The following ERG variants were observed in gnomAD, a reference collection of about 807,000 sequenced individuals.
ERG encodes the protein ETS transcription factor ERG.
A neutral mutation model predicts 55.3 loss-of-function variants in ERG; 9 were observed. The ratio of observed to expected loss-of-function variants is 0.16; its 90% CI spans 0.10 to 0.28. The LOEUF (loss-of-function observed/expected upper bound fraction) is 0.28, where lower values mean the gene tolerates loss of function less well. Ranked by LOEUF, ERG falls within the 10% of genes least tolerant of loss-of-function variation. ERG has a pLI of 1.00. For missense variants in ERG, 434 were observed against 631.6 expected (o/e 0.69, Z 3.35); for synonymous variants, 223 against 237.3 (o/e 0.94, Z 0.55).
At chr21:38,554,009 A>AC (rs1031575227) in intron 2 of ERG, among the ~76,000 whole-genome samples, 1 of 152,070 alleles carries the variant, frequency 6.6e-6, no homozygotes, top group Non-Finnish European at 1.5e-5. Flanking sequence ...TTCTTTAAAA[A>AC]AAATGGGCCA....
At chr21:38,540,483 C>T (rs2059744468) in intron 2 of ERG, among the ~76,000 whole-genome samples, 1 of 152,136 alleles carries the variant, frequency 6.6e-6, no homozygotes, top group Non-Finnish European at 1.5e-5. Flanking sequence ...AAACTGCAAA[C>T]CCCTGGCAAG....
intron 6 of ERG, among the ~76,000 whole-genome samples, chr21:38,396,823 G>A (rs1988243603): frequency 6.6e-6 from 1 of 152,134 alleles, no homozygotes; most frequent in South Asian, 2.1e-4. Context: ...CAAAAAAGAA[G>A]GGTGTTTGTA....
intron 1 of ERG, among the ~76,000 whole-genome samples, chr21:38,622,847 A>T (rs1368166129): frequency 6.7e-6 from 1 of 150,128 alleles, no homozygotes; most frequent in Non-Finnish European, 1.5e-5. Flanking sequence ...GTGCTCATAC[A>T]TTCCACACAC....
At chr21:38,437,532 A>C (rs1190608171) in intron 2 of ERG, among the ~76,000 whole-genome samples, 1 of 152,296 alleles carries the variant, frequency 6.6e-6, no homozygotes, top group South Asian at 2.1e-4. Flanking sequence ...CAAGGAGGCA[A>C]GAGCCTCTTG....
downstream of ERG, among the ~76,000 whole-genome samples, chr21:38,378,560 G>C (rs1183649421): frequency 6.6e-6 from 1 of 152,194 alleles, no homozygotes; most frequent in Non-Finnish European, 1.5e-5. Flanking sequence ...TGGGTGATAA[G>C]GGTAATCCCA....
At chr21:38,627,780 C>A (rs1052277901) in intron 1 of ERG, among the ~76,000 whole-genome samples, 7 of 152,136 alleles carry the variant, frequency 4.6e-5, no homozygotes, top group Admixed American at 6.5e-5. Flanking sequence ...TGTCTGACAT[C>A]CTCAGTATTT....
At chr21:38,392,533 G>C in intron 6 of ERG, 89 bp from the exon 7 acceptor site, 2 of 969,944 alleles carry the variant, frequency 2.1e-6, no homozygotes, top group Non-Finnish European at 1.4e-6. Context: ...GTATTTATTA[G>C]AATAAACTTT....
At chr21:38,400,007 T>A (rs986189452) in intron 6 of ERG, 3 of 209,176 alleles carry the variant, frequency 1.4e-5, no homozygotes, top group African/African-American at 6.9e-5. Context: ...TGAAGCCTGG[T>A]TCATCTATAT....
chr21:38,498,411 A>G lies in ERG; in HGVS notation c.-31T>C. ...GATCAAGTTTATTGATCGTTAATAA[A>G]TGTTAATAATAATTATTGCTTCTCT... On this transcript the variant is annotated 5_prime_UTR_variant, in exon 1 of 10. Coordinates refer to ENST00000288319, the MANE Select transcript of ERG (RefSeq NM_182918.4). This position sits in a 1 kb window ranked among gnomAD's most constrained non-coding sequence, Gnocchi z 4.6. 1 of 1,598,566 alleles carries G rather than the reference A, an allele frequency of 6.3e-7. No homozygotes were observed. Among genetic ancestry groups the G allele is most frequent in the Non-Finnish European group, 8.5e-7 (1 of 1,170,522 alleles).
chr21:38,516,278 A>G (rs140337666), intron 2 of ERG, among the ~76,000 whole-genome samples: 340 of 152,182 alleles, frequency 2.2e-3, no homozygotes, highest in African/African-American at 7.8e-3. Flanking sequence ...AAAATTCAGT[A>G]AAGTTGCAGG....
the ERG span, among the ~76,000 whole-genome samples, chr21:38,367,375 T>C: frequency 6.6e-6 from 1 of 152,156 alleles, no homozygotes; most frequent in Non-Finnish European, 1.5e-5. Flanking sequence ...TGGCTCAGGG[T>C]CTCTCATGAG....
intron 1 of ERG, among the ~76,000 whole-genome samples, chr21:38,451,889 T>C (rs2058945194): frequency 1.3e-5 from 2 of 152,244 alleles, no homozygotes; most frequent in Non-Finnish European, 2.9e-5. Context: ...CGAAACGTGG[T>C]AAGTGAAAGA....
chr21:38,660,986 C>A (rs1325890310), intron 1 of ERG, among the ~76,000 whole-genome samples: 2 of 151,884 alleles, frequency 1.3e-5, no homozygotes, highest in African/African-American at 4.8e-5. Context: ...CGGCTGGCGG[C>A]TCCGGGAGGA....
rs116804213 is a variant in ERG, at chr21:38,429,269, C to T, written c.237-5708G>A. Among the ~76,000 whole-genome samples the T allele has an allele frequency of 3.7e-3, 555 of 150,894 alleles. 3 individuals are homozygous for T. Among genetic ancestry groups the T allele is most frequent in the African/African-American group, 0.013 (514 of 40,630 alleles). ...TGGTGTGTGTGTGTATATACACACA[C>T]GCATATATACACATATACCCACACA... On this transcript the variant is annotated intron_variant, in intron 2 of 9. Coordinates refer to ENST00000288319, the MANE Select transcript of ERG (RefSeq NM_182918.4).
chr21:38,418,496 G>A (rs1989386292), intron 3 of ERG, among the ~76,000 whole-genome samples: 2 of 152,230 alleles, frequency 1.3e-5, no homozygotes, highest in South Asian at 4.1e-4. Flanking sequence ...ATGTTGTCCA[G>A]GCTGGTCTTG....
chr21:38,431,784 T>C (rs1209937368), intron 2 of ERG, among the ~76,000 whole-genome samples: 2 of 152,234 alleles, frequency 1.3e-5, no homozygotes, highest in East Asian at 3.8e-4. Flanking sequence ...AACTGGATTA[T>C]GCAGTAAACA....
intron 2 of ERG, among the ~76,000 whole-genome samples, chr21:38,535,027 A>G (rs2059699227): frequency 1.3e-5 from 2 of 152,130 alleles, no homozygotes; most frequent in South Asian, 4.1e-4. Flanking sequence ...AACGTGTGCC[A>G]TGGTGGTTTG....
At chr21:38,489,504 T>C (rs1003959492) in intron 1 of ERG, among the ~76,000 whole-genome samples, 2 of 152,258 alleles carry the variant, frequency 1.3e-5, no homozygotes, top group Non-Finnish European at 2.9e-5. Flanking sequence ...AAACTATCTA[T>C]GTTAATTCAG....
chr21:38,517,910 G>T (rs2059563990), intron 2 of ERG, among the ~76,000 whole-genome samples: 1 of 152,066 alleles, frequency 6.6e-6, no homozygotes, highest in Non-Finnish European at 1.5e-5. Flanking sequence ...AAATGTTAAT[G>T]TCATGGAGAT....
Sources: gnomAD v4.1 joint callset for allele counts (sites outside exome capture counted in the v4.1 genomes callset) on GRCh38, gnomAD v4.1.1 for gene constraint, Gnocchi (gnomAD v3.1) non-coding constraint, MANE v1.5 for transcripts, NCBI Gene and HGNC (gene_info 2026-07-23, HGNC 2026-07-21) for gene names.